The following ABCB4 variants were observed in gnomAD, a reference collection of about 807,000 sequenced individuals.
ABCB4 encodes the protein ATP binding cassette subfamily B member 4.
A neutral mutation model predicts 145.7 loss-of-function variants in ABCB4; 76 were observed. The ratio of observed to expected loss-of-function variants is 0.52; its 90% CI spans 0.43 to 0.63. The LOEUF (loss-of-function observed/expected upper bound fraction) is 0.63, where lower values mean the gene tolerates loss of function less well. Ranked by LOEUF, ABCB4 falls within the 30% of genes least tolerant of loss-of-function variation. ABCB4 has a pLI of 0.00. For missense variants in ABCB4, 1,234 were observed against 1,553.1 expected (o/e 0.79, Z 3.45); for synonymous variants, 517 against 566.8 (o/e 0.91, Z 1.25).
Position 87,462,828 on chromosome 7 carries a change from G to T in ABCB4, c.216C>A (p.Pro72=), listed in dbSNP as rs746750803. The T allele has an allele frequency of 6.2e-7, 1 of 1,613,696 alleles. No homozygotes were observed. Among genetic ancestry groups the T allele is most frequent in the Admixed American group, 1.7e-5 (1 of 60,014 alleles). ...TCTCTCCAAATACTATCATCATGAG[G>T]GGGAGACCTGATCCGTGAGCTATGG... ...IMAIAHGSGL[P]LMMIVFGEMT... is the part of the protein sequence containing the mutation. The change falls in exon 4 of 28, where the codon CCC becomes CCA. Residue 72 remains proline, a synonymous_variant. Transcript: ENST00000649586.
At chr7:87,475,580 C>T (rs1813755339) in intron 1 of ABCB4, 54 bp downstream of exon 1, 2 of 1,057,290 alleles carry the variant, frequency 1.9e-6, no homozygotes, top group Admixed American at 2.0e-5. Flanking sequence ...TCCCGCCCCG[C>T]GCCCCACGTC....
the ABCB4 span, among the ~76,000 whole-genome samples, chr7:87,395,131 C>A: frequency 6.6e-6 from 1 of 152,264 alleles, no homozygotes; most frequent in South Asian, 2.1e-4. Context: ...CCACAATAGG[C>A]CAGCTGCAAG....
intron 3 of ABCB4, among the ~76,000 whole-genome samples, chr7:87,469,141 G>T (rs906044094): frequency 6.6e-6 from 1 of 152,050 alleles, no homozygotes. Context: ...TATCTCAATA[G>T]ATGCAGAAAA....
the ABCB4 span, among the ~76,000 whole-genome samples, chr7:87,381,733 A>G: frequency 6.6e-6 from 1 of 152,226 alleles, no homozygotes; most frequent in East Asian, 1.9e-4. Context: ...AAAATAAAAT[A>G]TAGCAGTTAC....
At chr7:87,415,622 G>C (rs1355192116) in intron 21 of ABCB4, among the ~76,000 whole-genome samples, 1 of 152,128 alleles carries the variant, frequency 6.6e-6, no homozygotes, top group East Asian at 1.9e-4. Context: ...GGAACTTGGG[G>C]CAGTATCTGG....
chr7:87,398,699 G>T (rs1009142851), downstream of ABCB4: 24 of 1,547,580 alleles, frequency 1.6e-5, no homozygotes, highest in Admixed American at 5.3e-5. Flanking sequence ...TGAGTGCTGG[G>T]AGTGAGTTGG....
intron 7 of ABCB4, 150 bp downstream of exon 7, chr7:87,451,473 T>C: frequency 2.4e-6 from 2 of 824,910 alleles, no homozygotes; most frequent in South Asian, 1.7e-5. Flanking sequence ...AATTTCCTTA[T>C]GAAAGCATCA....
intron 14 of ABCB4, 44 bp downstream of exon 14, chr7:87,439,623 A>T (rs761031855): frequency 1.2e-6 from 2 of 1,610,472 alleles, no homozygotes; most frequent in Non-Finnish European, 1.7e-6. Flanking sequence ...AATCTTCAAT[A>T]GGTTTCAATG....
At chr7:87,453,886 ATTCT>A (rs1457969412) in intron 5 of ABCB4, among the ~76,000 whole-genome samples, 1 of 152,156 alleles carries the variant, frequency 6.6e-6, no homozygotes, top group Non-Finnish European at 1.5e-5. Flanking sequence ...ATTTTTCCAC[ATTCT>A]TTATAAAAAG....
intron 11 of ABCB4, 31 bp downstream of exon 11, chr7:87,443,628 CAGTT>C: frequency 1.3e-6 from 2 of 1,579,888 alleles, no homozygotes; most frequent in Non-Finnish European, 1.7e-6. Context: ...CAATCAACCT[CAGTT>C]AGGAATTCCT....
chr7:87,387,652 T>C, the ABCB4 span, among the ~76,000 whole-genome samples: 1 of 152,142 alleles, frequency 6.6e-6, no homozygotes, highest in Non-Finnish European at 1.5e-5. Context: ...AAATTTTTGT[T>C]AAGAAAAATC....
At chr7:87,381,652 C>T in the ABCB4 span, among the ~76,000 whole-genome samples, 3 of 152,152 alleles carry the variant, frequency 2.0e-5, no homozygotes, top group African/African-American at 4.8e-5. Context: ...TTATTTTATA[C>T]ACCCTCATGA....
the ABCB4 span, chr7:87,382,246 T>C: frequency 6.8e-7 from 1 of 1,462,354 alleles, no homozygotes; most frequent in East Asian, 2.3e-5. Context: ...ATGTAAAAAT[T>C]TGGCTGTCAT....
the ABCB4 span, chr7:87,375,997 T>C: frequency 1.3e-6 from 2 of 1,516,360 alleles, no homozygotes; most frequent in Non-Finnish European, 1.8e-6. Context: ...CAGATTTTTC[T>C]GGAAGACTCA....
chr7:87,384,714 T>G, the ABCB4 span, among the ~76,000 whole-genome samples: 1 of 152,224 alleles, frequency 6.6e-6, no homozygotes, highest in African/African-American at 2.4e-5. Flanking sequence ...GCTTTTTAAC[T>G]TCATATGATC....
chr7:87,409,133 A>C (rs1808421145), intron 24 of ABCB4, 103 bp downstream of exon 24: 2 of 1,337,728 alleles, frequency 1.5e-6, no homozygotes, highest in Non-Finnish European at 2.1e-6. Flanking sequence ...AATGAAACAC[A>C]TGTTGGTGTA....
the ABCB4 span, among the ~76,000 whole-genome samples, chr7:87,394,736 A>AGAAAAAG: frequency 3.3e-5 from 5 of 152,116 alleles, no homozygotes; most frequent in Admixed American, 1.3e-4. Flanking sequence ...TATAGACTCT[A>AGAAAAAG]CTATGATTCT....
At chr7:87,380,017 G>A in the ABCB4 span, among the ~76,000 whole-genome samples, 2 of 152,074 alleles carry the variant, frequency 1.3e-5, no homozygotes, top group Non-Finnish European at 2.9e-5. Flanking sequence ...AGGCTGAGGT[G>A]GGAGGATCAC....
chr7:87,370,560 A>G, the ABCB4 span, among the ~76,000 whole-genome samples: 1 of 152,202 alleles, frequency 6.6e-6, no homozygotes, highest in African/African-American at 2.4e-5. Flanking sequence ...ATATATATCT[A>G]TTTATAACTT....
Sources: allele counts gnomAD v4.1 joint callset (sites outside exome capture counted in the v4.1 genomes callset), GRCh38; gene constraint gnomAD v4.1.1; transcripts MANE v1.5; gene names NCBI Gene and HGNC (gene_info 2026-07-23, HGNC 2026-07-21).